Variants in ZCCHC17 observed in about 807,000 individuals in gnomAD.
ZCCHC17 encodes zinc finger CCHC domain-containing protein 17.
A neutral mutation model predicts 30.6 loss-of-function variants in ZCCHC17; 18 were observed. That is an observed-to-expected ratio of 0.59 (90% CI 0.41 to 0.87). ZCCHC17 has a LOEUF of 0.87. ZCCHC17 is among the 40% of genes least tolerant of loss of function. The pLI, the probability that ZCCHC17 is intolerant of heterozygous loss-of-function variation, is 0.00. For synonymous variants in ZCCHC17, 88 were observed against 92.4 expected (o/e 0.95, Z 0.27); for missense variants, 263 against 284.2 (o/e 0.93, Z 0.54).
intron 5 of ZCCHC17, among the ~76,000 whole-genome samples, chr1:31,339,940 C>T (rs1638971672): frequency 7.1e-6 from 1 of 141,112 alleles, no homozygotes; most frequent in Admixed American, 7.2e-5. Flanking sequence ...TTCTGTCTGT[C>T]TCAAGTCTTT....
intron 1 of ZCCHC17, among the ~76,000 whole-genome samples, chr1:31,307,735 C>T (rs1390644877): frequency 2.0e-5 from 3 of 152,004 alleles, no homozygotes; most frequent in Non-Finnish European, 2.9e-5. Flanking sequence ...CCACCATGCC[C>T]GGCTCATTTT....
chr1:31,314,853 G>T (rs1646693495), intron 2 of ZCCHC17, among the ~76,000 whole-genome samples: 1 of 152,138 alleles, frequency 6.6e-6, no homozygotes, highest in Non-Finnish European at 1.5e-5. Context: ...TTTTAGTAGA[G>T]ATGGGTTTTC....
chr1:31,360,294 C>T (rs139830730), intron 7 of ZCCHC17, among the ~76,000 whole-genome samples: 3,364 of 152,290 alleles, frequency 0.022, 112 homozygotes, highest in African/African-American at 0.076. Flanking sequence ...CTCAGCCTCC[C>T]GAGTAGCTGG....
chr1:31,311,042 T>C (rs750135048), intron 2 of ZCCHC17, among the ~76,000 whole-genome samples: 1 of 152,202 alleles, frequency 6.6e-6, no homozygotes, highest in Non-Finnish European at 1.5e-5. Flanking sequence ...TCCAGTCTGT[T>C]CTTCACATTG....
At chr1:31,313,133 G>A (rs971434840) in intron 2 of ZCCHC17, among the ~76,000 whole-genome samples, 3 of 133,836 alleles carry the variant, frequency 2.2e-5, no homozygotes, top group Non-Finnish European at 4.6e-5. Context: ...AGGCTGGACT[G>A]CAATGGTGTG....
rs529734967 is a variant in ZCCHC17 at position 31,306,596 on chromosome 1, GCAACTGTGGAAAGTA to G, written c.-55-3437_-55-3423del. Among the ~76,000 whole-genome samples the G allele has an allele frequency of 4.5e-4, 69 of 152,262 alleles. 1 individual carries two copies. In the South Asian group the frequency reaches 4.6e-3, roughly 10 times the overall value. On this transcript the variant is annotated intron_variant, in intron 1 of 7. Coordinates refer to ENST00000344147, the MANE Select transcript of ZCCHC17 (RefSeq NM_016505.4). ...GGACCGTGGTAGACTGTGAGTAACT[GCAACTGTGGAAAGTA>G]CAACTGTGGATGGGAGGACTACTGT...
chr1:31,320,390 A>C (rs929944035), intron 3 of ZCCHC17, among the ~76,000 whole-genome samples: 1 of 152,190 alleles, frequency 6.6e-6, no homozygotes, highest in Non-Finnish European at 1.5e-5. Flanking sequence ...GTATATTCAG[A>C]GTTTTGTGAC....
chr1:31,305,538 C>T (rs1391146426), intron 1 of ZCCHC17, among the ~76,000 whole-genome samples: 2 of 152,214 alleles, frequency 1.3e-5, no homozygotes, highest in East Asian at 1.9e-4. Context: ...GATCCACCCA[C>T]CTTGGCCTTC....
chr1:31,358,926 G>A (rs1282934289), intron 7 of ZCCHC17, among the ~76,000 whole-genome samples: 2 of 152,144 alleles, frequency 1.3e-5, no homozygotes, highest in African/African-American at 4.8e-5. Flanking sequence ...AACACTTAGA[G>A]GTTATGGAGA....
chr1:31,300,752 A>G (rs1268225851), intron 1 of ZCCHC17, among the ~76,000 whole-genome samples: 1 of 152,008 alleles, frequency 6.6e-6, no homozygotes, highest in Non-Finnish European at 1.5e-5. Flanking sequence ...CCTGACCAAT[A>G]TGGTGAAACC....
In ZCCHC17 at chr1:31,338,080, C is replaced by T. The variant is rs867160960; in HGVS notation, c.225+805C>T. Among the ~76,000 whole-genome samples, 40 of 151,866 alleles carry T rather than the reference C, an allele frequency of 2.6e-4. 1 individual carries two copies. The highest frequency in any genetic ancestry group is 9.9e-4 in the Admixed American group (15 of 15,226). ...AGCCTCCTGGGCTCAACTGATCTTG[C>T]CACCTCAGCCTCCTGAGTATCTGGG... On this transcript the variant is annotated intron_variant, in intron 4 of 7. Transcript: ENST00000344147.
rs550317663 is a variant in ZCCHC17 at position 31,315,313 on chromosome 1, G to T, written c.67-3796G>T. On this transcript the variant is annotated intron_variant, in intron 2 of 7. Transcript: ENST00000344147. ...CACAGGACTAGTTGTCCTTGAAGAAGGTGGTGTTTCAGCCCATGTCCCAGC... is the reference window on the plus strand; with the variant it reads ...CACAGGACTAGTTGTCCTTGAAGAATGTGGTGTTTCAGCCCATGTCCCAGC... Among the ~76,000 whole-genome samples, 12 of 152,322 alleles carry T rather than the reference G, an allele frequency of 7.9e-5. No individual in the cohort carries two copies. In the South Asian group the frequency reaches 2.5e-3, roughly 32 times the overall value.
intron 1 of ZCCHC17, among the ~76,000 whole-genome samples, chr1:31,298,176 G>T (rs1646214363): frequency 6.6e-6 from 1 of 152,182 alleles, no homozygotes. Flanking sequence ...GAACTGCAGA[G>T]AATTGGACAG....
intron 5 of ZCCHC17, among the ~76,000 whole-genome samples, chr1:31,343,167 C>T (rs1481941062): frequency 1.3e-5 from 2 of 152,184 alleles, no homozygotes; most frequent in Non-Finnish European, 2.9e-5. Flanking sequence ...TCAAGCAATT[C>T]TCCTGCCTCA....
At chr1:31,360,645 A>G (rs559859370) in intron 7 of ZCCHC17, among the ~76,000 whole-genome samples, 13 of 152,318 alleles carry the variant, frequency 8.5e-5, no homozygotes, top group African/African-American at 2.9e-4. Flanking sequence ...CTTGCTAGCT[A>G]GAGTCCATGT....
chr1:31,358,420 T>C (rs1018477754), intron 7 of ZCCHC17, among the ~76,000 whole-genome samples: 9 of 152,166 alleles, frequency 5.9e-5, no homozygotes, highest in African/African-American at 2.2e-4. Flanking sequence ...GAAACTTAGA[T>C]GGTCAGAAAG....
intron 3 of ZCCHC17, among the ~76,000 whole-genome samples, chr1:31,319,579 TTTTAAG>T (rs1416815939): frequency 6.6e-6 from 1 of 152,164 alleles, no homozygotes; most frequent in African/African-American, 2.4e-5. Flanking sequence ...ATATATAATG[TTTTAAG>T]TTTTTTTCAT....
chr1:31,304,508 T>C lies in ZCCHC17; in HGVS notation c.-55-5536T>C, dbSNP rs114686366. 3.5e-3 allele frequency among the ~76,000 whole-genome samples: 525 copies of C among 152,104 alleles called. 4 individuals carry two copies. The highest frequency in any genetic ancestry group is 0.012 in the African/African-American group (508 of 41,474). On this transcript the variant is annotated intron_variant, in intron 1 of 7. Transcript: ENST00000344147. ...CGTGTTGCCCAGGCTATTCTCGAACTCCTGGGCTCTAGTGATCCACCCGCC... is the reference window on the plus strand; with the variant it reads ...CGTGTTGCCCAGGCTATTCTCGAACCCCTGGGCTCTAGTGATCCACCCGCC...
chr1:31,298,814 G>T (rs111655289), intron 1 of ZCCHC17, among the ~76,000 whole-genome samples: 26 of 152,186 alleles, frequency 1.7e-4, no homozygotes, highest in Non-Finnish European at 3.4e-4. Flanking sequence ...GGCATAATTT[G>T]TATATACATG....
Sources: allele counts gnomAD v4.1 joint callset (sites outside exome capture counted in the v4.1 genomes callset), GRCh38; gene constraint gnomAD v4.1.1; transcripts MANE v1.5; gene names NCBI Gene and HGNC (gene_info 2026-07-23, HGNC 2026-07-21).